WFS1: variants seen among roughly 807,000 people sequenced by gnomAD.
The protein encoded by WFS1 is wolframin ER transmembrane glycoprotein, also known as wolframin.
A neutral mutation model predicts 68.5 loss-of-function variants in WFS1; 90 were observed. The observed-to-expected ratio is 1.31, with a 90% confidence interval of 1.11 to 1.56. WFS1 has a LOEUF of 1.56. WFS1 is among the 40% of genes most tolerant of loss of function. The pLI is 0.00. For missense variants in WFS1, 1,767 were observed against 1,232.6 expected (o/e 1.43, Z -6.49); for synonymous variants, 860 against 540.7 (o/e 1.59, Z -8.19).
intron 6 of WFS1, among the ~76,000 whole-genome samples, chr4:6,293,449 C>T (rs989979889): frequency 1.3e-5 from 2 of 152,212 alleles, no homozygotes; most frequent in Non-Finnish European, 2.9e-5. Context: ...TCTGTCATCC[C>T]CTTCTCTCGT....
Position 6,301,437 on chromosome 4 carries a change from C to A in WFS1, c.1642C>A (p.Leu548Met), listed in dbSNP as rs762025180. 6.2e-7 allele frequency: 1 copy of A among 1,612,512 alleles called. No homozygotes were observed. The highest frequency in any genetic ancestry group is 8.5e-7 in the Non-Finnish European group (1 of 1,180,030). ...GTGGTGTGAGCTCTCCGTGGTCATC[C>A]TGCTGGAGTCCACCGGCCTGGGGCT... The part of the protein sequence containing the change: ...FMWCELSVVI[L>M]LESTGLGLLR... The change falls in exon 8 of 8, where the codon CTG becomes ATG. Residue 548 changes from leucine to methionine, a missense_variant. By Grantham distance (15) the Leu-to-Met change is conservative (BLOSUM62 2). Transcript: ENST00000226760.
intron 1 of WFS1, among the ~76,000 whole-genome samples, chr4:6,275,722 A>G (rs906991135): frequency 6.6e-6 from 1 of 152,178 alleles, no homozygotes; most frequent in Non-Finnish European, 1.5e-5. Flanking sequence ...GAGCGACACC[A>G]GTCTGATCTT....
intron 2 of WFS1, among the ~76,000 whole-genome samples, chr4:6,280,232 G>GT: frequency 1.3e-5 from 2 of 152,336 alleles, no homozygotes; most frequent in South Asian, 4.1e-4. Flanking sequence ...GGTGTTGTCT[G>GT]TCCTGATTTT....
At chr4:6,275,765 AT>A (rs59059049) in intron 1 of WFS1, among the ~76,000 whole-genome samples, 5,731 of 152,208 alleles carry the variant, frequency 0.038, 130 homozygotes, top group African/African-American at 0.06. Context: ...TGGAGCAGAA[AT>A]TGTTGTGTGT....
chr4:6,291,951 C>T lies in WFS1; in HGVS notation c.666C>T (p.Ser222=), dbSNP rs546842516. The T allele has an allele frequency of 1.2e-6, 2 of 1,611,340 alleles. No homozygotes were observed. The highest frequency in any genetic ancestry group is 1.3e-5 in the African/African-American group (1 of 75,036). Residue 222 remains serine (S), a synonymous_variant, in exon 6 of 8, where the codon TCC becomes TCT. Coordinates refer to ENST00000226760, the MANE Select transcript of WFS1 (RefSeq NM_006005.3). ...GGAQPGPVPK[S]LQKQRRMLER... Reference sequence around the variant, plus strand: ...CGCAGCCAGGCCCCGTGCCCAAGTCCCTGCAGAAGCAGAGGCGCATGCTGG... The same window carrying T: ...CGCAGCCAGGCCCCGTGCCCAAGTCTCTGCAGAAGCAGAGGCGCATGCTGG...
intron 2 of WFS1, among the ~76,000 whole-genome samples, chr4:6,281,473 G>A (rs75587996): frequency 0.016 from 2,472 of 152,260 alleles, 56 homozygotes; most frequent in African/African-American, 0.056. Flanking sequence ...GCCAGGAGGC[G>A]GAGCAGAGAG....
chr4:6,275,141 A>C (rs1249453265), intron 1 of WFS1, among the ~76,000 whole-genome samples: 1 of 152,222 alleles, frequency 6.6e-6, no homozygotes, highest in Non-Finnish European at 1.5e-5. Flanking sequence ...AGTACAGAGA[A>C]CAGAGCCGTT....
intron 6 of WFS1, among the ~76,000 whole-genome samples, chr4:6,293,266 C>T (rs953010437): frequency 7.2e-5 from 11 of 152,172 alleles, no homozygotes; most frequent in South Asian, 2.1e-4. Flanking sequence ...TGGGCCCTGT[C>T]GCTGTTGCTG....
intron 6 of WFS1, among the ~76,000 whole-genome samples, chr4:6,294,244 C>G (rs543776939): frequency 2.6e-4 from 39 of 152,168 alleles, no homozygotes; most frequent in Non-Finnish European, 4.6e-4. Context: ...ACCACGGCAA[C>G]TGGGGTCCTT....
At chr4:6,285,175 A>G (rs56349713) in intron 2 of WFS1, among the ~76,000 whole-genome samples, 1,868 of 142,328 alleles carry the variant, frequency 0.013, 42 homozygotes, top group African/African-American at 0.044. Context: ...GGAGAGTTAC[A>G]TCCAGGGAGA....
In WFS1 at chr4:6,301,140, A is replaced by G; in HGVS notation, c.1345A>G (p.Thr449Ala). 6.2e-7 allele frequency: 1 copy of G among 1,613,010 alleles called. No individual in the cohort carries two copies. Among genetic ancestry groups the G allele is most frequent in the Non-Finnish European group, 8.5e-7 (1 of 1,179,940 alleles). The change falls in exon 8 of 8, where the codon ACC becomes GCC. Residue 449 changes from threonine to alanine, a missense_variant. Physicochemically the swap from Thr to Ala is moderately conservative, Grantham distance 58. Transcript: ENST00000226760. ...CGTGACCAGCTACCTGAGCCTGAGC[A>G]CCCATGCAGAGCCCTACACGCGCAG... ...FTVTSYLSLS[T>A]HAEPYTRRAL...
In WFS1 at chr4:6,284,179, G is replaced by A. The variant is rs1208182426; in HGVS notation, c.233-2914G>A. 1.3e-5 allele frequency among the ~76,000 whole-genome samples: 2 copies of A among 152,070 alleles called. 1 individual carries two copies. The highest frequency in any genetic ancestry group is 2.9e-5 in the Non-Finnish European group (2 of 68,012). Reference sequence around the variant, plus strand: ...GAGGTCAGGGGTTCGAGACCAGCCTGGCCAACATGGTGAAACCCTGTCTCT... The same window carrying A: ...GAGGTCAGGGGTTCGAGACCAGCCTAGCCAACATGGTGAAACCCTGTCTCT... On this transcript the variant is annotated intron_variant, in intron 2 of 7. Transcript: ENST00000226760.
At chr4:6,296,180 C>T (rs577326525) in intron 7 of WFS1, among the ~76,000 whole-genome samples, 2 of 152,188 alleles carry the variant, frequency 1.3e-5, no homozygotes, top group Admixed American at 6.5e-5. Context: ...TCACCGTCCT[C>T]GAGCCAGGGA....
intron 4 of WFS1, among the ~76,000 whole-genome samples, chr4:6,290,055 C>T (rs755817552): frequency 6.6e-6 from 1 of 152,228 alleles, no homozygotes; most frequent in Non-Finnish European, 1.5e-5. Context: ...TCTCCTGCCT[C>T]AGCCTTTTGA....
chr4:6,293,827 G>T (rs1250137604), intron 6 of WFS1, among the ~76,000 whole-genome samples: 2 of 152,194 alleles, frequency 1.3e-5, no homozygotes, highest in East Asian at 3.9e-4. Flanking sequence ...CCACTCTCGT[G>T]TGTCAGACGC....
At chr4:6,273,237 C>T (rs1319045728) in intron 1 of WFS1, among the ~76,000 whole-genome samples, 3 of 152,266 alleles carry the variant, frequency 2.0e-5, no homozygotes, top group Non-Finnish European at 4.4e-5. Flanking sequence ...ATGGTGCCTG[C>T]AGCCCTCTCC....
At chr4:6,293,670 G>T (rs1265326850) in intron 6 of WFS1, among the ~76,000 whole-genome samples, 1 of 152,188 alleles carries the variant, frequency 6.6e-6, no homozygotes, top group African/African-American at 2.4e-5. Flanking sequence ...CCTTCTTGGG[G>T]TCCCTAGACT....
rs954580097 is a variant in WFS1 at position 6,301,745 on chromosome 4, T to G, written c.1950T>G (p.Tyr650Ter). The G allele has an allele frequency of 6.2e-7, 1 of 1,613,942 alleles. No homozygotes were observed. The highest frequency in any genetic ancestry group is 1.7e-5 in the Admixed American group (1 of 60,028). ...LTAIVLFCWF[Y>*]VYRSEGMKVY... ...CCATCGTGCTGTTCTGCTGGTTCTA[T>G]GTGTACCGCTCAGAGGGCATGAAGG... The change falls in exon 8 of 8, where the codon TAT becomes TAG. Residue 650 changes from tyrosine to a stop codon, truncating the protein, a stop_gained. Coordinates refer to ENST00000226760, the MANE Select transcript of WFS1 (RefSeq NM_006005.3). LOFTEE classifies it high-confidence loss of function.
intron 2 of WFS1, among the ~76,000 whole-genome samples, chr4:6,278,194 A>G (rs1204012637): frequency 6.6e-6 from 1 of 152,066 alleles, no homozygotes; most frequent in Admixed American, 6.6e-5. Context: ...GGCAGAGCTG[A>G]CTGAGGCCCT....
Sources: gnomAD v4.1 joint callset for allele counts (sites outside exome capture counted in the v4.1 genomes callset) on GRCh38, gnomAD v4.1.1 for gene constraint, MANE v1.5 for transcripts, NCBI Gene and HGNC (gene_info 2026-07-23, HGNC 2026-07-21) for gene names.